Variants in SSBP3 observed in about 807,000 individuals in gnomAD.
SSBP3 encodes single-stranded DNA-binding protein 3.
A neutral mutation model predicts 69.6 loss-of-function variants in SSBP3; 5 were observed. That is an observed-to-expected ratio of 0.07 (90% CI 0.04 to 0.15). SSBP3 has a LOEUF of 0.15. Ranked by LOEUF, SSBP3 falls within the 10% of genes least tolerant of loss-of-function variation. The pLI is 1.00. For missense variants in SSBP3, 312 were observed against 534.0 expected, an observed-to-expected ratio of 0.58 and a Z score of 4.10; for synonymous variants, 196 against 193.4, an observed-to-expected ratio of 1.01 and a Z score of -0.11.
chr1:54,327,038 G>A (rs567224561), intron 4 of SSBP3, among the ~76,000 whole-genome samples: 66 of 152,082 alleles, frequency 4.3e-4, no homozygotes, highest in African/African-American at 7.2e-4. Flanking sequence ...GGGCAGAGCC[G>A]GGCCTCCTGG....
intron 4 of SSBP3, among the ~76,000 whole-genome samples, chr1:54,369,115 A>C (rs544269335): frequency 9.9e-5 from 15 of 152,118 alleles, no homozygotes; most frequent in African/African-American, 2.9e-4. Context: ...GAAAAAAAGT[A>C]AGTCAGAAAC....
At chr1:54,304,040 A>G (rs1158166496) in intron 4 of SSBP3, among the ~76,000 whole-genome samples, 1 of 152,116 alleles carries the variant, frequency 6.6e-6, no homozygotes, top group Non-Finnish European at 1.5e-5. Context: ...AGGACAGGAG[A>G]CCGGAGAAGG....
intron 9 of SSBP3, among the ~76,000 whole-genome samples, chr1:54,250,545 G>T (rs1164967678): frequency 6.6e-6 from 1 of 152,114 alleles, no homozygotes; most frequent in African/African-American, 2.4e-5. Flanking sequence ...CGGGAATGGG[G>T]GGGGGCACTA....
At chr1:54,352,657 G>A (rs548765854) in intron 4 of SSBP3, among the ~76,000 whole-genome samples, 214 of 152,358 alleles carry the variant, frequency 1.4e-3, no homozygotes, top group Non-Finnish European at 2.4e-3. Context: ...ATGTGCAGCA[G>A]GAAGAAGCTG....
At chr1:54,286,472 T>C (rs1333841856) in intron 4 of SSBP3, 1 of 152,166 alleles carries the variant, frequency 6.6e-6, no homozygotes, top group Non-Finnish European at 1.5e-5. Context: ...CAGGGAGACT[T>C]GTGAAGAGGA....
intron 4 of SSBP3, among the ~76,000 whole-genome samples, chr1:54,306,090 C>G (rs1180898006): frequency 5.9e-5 from 9 of 151,962 alleles, no homozygotes; most frequent in Non-Finnish European, 7.4e-5. Flanking sequence ...TTGCACACTT[C>G]TAGCCAGACT....
chr1:54,383,798 C>G lies in SSBP3; in HGVS notation c.276+18063G>C, dbSNP rs543429342. 2.0e-5 allele frequency among the ~76,000 whole-genome samples: 3 copies of G among 152,224 alleles called. No homozygotes were observed. In the South Asian group the frequency reaches 6.2e-4, roughly 32 times the overall value. ...ATCACATCCCTGTCCACCCACTCCC[C>G]AGCCCCCTTTATAAAAAGCAAGAAC... On this transcript the variant is annotated intron_variant, in intron 4 of 17. Coordinates refer to ENST00000610401, the Ensembl canonical transcript of SSBP3.
chr1:54,328,190 C>T (rs965082694), intron 4 of SSBP3, among the ~76,000 whole-genome samples: 2 of 152,148 alleles, frequency 1.3e-5, no homozygotes, highest in Non-Finnish European at 2.9e-5. Context: ...TTGCAAGCAA[C>T]AGGGCCCGCA....
intron 4 of SSBP3, among the ~76,000 whole-genome samples, chr1:54,385,744 A>C (rs1470843893): frequency 2.0e-5 from 3 of 152,096 alleles, no homozygotes; most frequent in African/African-American, 7.2e-5. Flanking sequence ...TCATTATCTC[A>C]AAGCAGTACT....
At chr1:54,360,452 T>C (rs1010554218) in intron 4 of SSBP3, among the ~76,000 whole-genome samples, 20 of 152,100 alleles carry the variant, frequency 1.3e-4, no homozygotes, top group African/African-American at 4.1e-4. Context: ...CTCTAAAACA[T>C]CTCTTCTCAA....
At chr1:54,246,474 G>A (rs966539461) in intron 9 of SSBP3, among the ~76,000 whole-genome samples, 3 of 152,226 alleles carry the variant, frequency 2.0e-5, no homozygotes, top group Non-Finnish European at 4.4e-5. Context: ...CAGAACAAGA[G>A]CAGAAGCCTG....
At chr1:54,354,539 T>G (rs78216547) in intron 4 of SSBP3, among the ~76,000 whole-genome samples, 4,767 of 152,034 alleles carry the variant, frequency 0.031, 274 homozygotes, top group African/African-American at 0.11. Flanking sequence ...CGTTCACATC[T>G]AACGTGGGAG....
intron 4 of SSBP3, among the ~76,000 whole-genome samples, chr1:54,395,071 G>A (rs1175770818): frequency 1.3e-5 from 2 of 151,718 alleles, no homozygotes; most frequent in East Asian, 1.9e-4. Context: ...ACAATAAAAG[G>A]GGATTCCCTT....
Position 54,234,488 on chromosome 1 carries a change from T to C in SSBP3, c.927+4641A>G, listed in dbSNP as rs144659746. Among the ~76,000 whole-genome samples, 967 of 152,206 alleles carry C rather than the reference T, an allele frequency of 6.4e-3. 16 individuals carry two copies. The highest frequency in any genetic ancestry group is 0.022 in the African/African-American group (925 of 41,550). ...CTGTAGTCCCAGCTACTCAGGAAGC[T>C]GTGGTGGGAGGAATCCCTTCAGCCC... On this transcript the variant is annotated intron_variant, in intron 14 of 17. Transcript: ENST00000610401.
At chr1:54,403,334 C>A (rs775278572) in intron 3 of SSBP3, among the ~76,000 whole-genome samples, 3 of 152,184 alleles carry the variant, frequency 2.0e-5, no homozygotes, top group Middle Eastern at 3.2e-3. Flanking sequence ...CTCCTCCACA[C>A]GTTAAAGGTT....
chr1:54,269,369 G>A (rs1471004094), intron 5 of SSBP3, among the ~76,000 whole-genome samples: 1 of 152,082 alleles, frequency 6.6e-6, no homozygotes, highest in African/African-American at 2.4e-5. Flanking sequence ...GGTCTCTTCT[G>A]CTCACCACTG....
intron 4 of SSBP3, among the ~76,000 whole-genome samples, chr1:54,345,065 T>C (rs1404465220): frequency 5.3e-5 from 8 of 152,144 alleles, no homozygotes; most frequent in Admixed American, 5.2e-4. Flanking sequence ...ACTCCACTCC[T>C]GTCATCTGTG....
At chr1:54,359,616 C>T (rs1247700942) in intron 4 of SSBP3, among the ~76,000 whole-genome samples, 2 of 152,194 alleles carry the variant, frequency 1.3e-5, no homozygotes, top group African/African-American at 4.8e-5. Context: ...TACTCTTCTT[C>T]CCGGCTGTAG....
chr1:54,344,927 G>A (rs1211359934), intron 4 of SSBP3, among the ~76,000 whole-genome samples: 6 of 152,338 alleles, frequency 3.9e-5, no homozygotes, highest in East Asian at 3.9e-4. Context: ...ATTAGTCCAC[G>A]TGCGTACAGC....
Sources: allele counts gnomAD v4.1 joint callset (sites outside exome capture counted in the v4.1 genomes callset), GRCh38; gene constraint gnomAD v4.1.1; transcripts MANE v1.5; gene names NCBI Gene and HGNC (gene_info 2026-07-23, HGNC 2026-07-21).